Variants in KATNAL1 observed in about 807,000 individuals in gnomAD.
KATNAL1 encodes the protein katanin catalytic subunit A1 like 1.
In KATNAL1, 32 loss-of-function variants were observed where a neutral mutation model predicts 55.2. The ratio of observed to expected loss-of-function variants is 0.58; its 90% CI spans 0.44 to 0.78. KATNAL1 has a LOEUF of 0.78. Ranked by LOEUF, KATNAL1 falls within the 30% of genes least tolerant of loss-of-function variation. The pLI, the probability that KATNAL1 is intolerant of heterozygous loss-of-function variation, is 0.00. For missense variants in KATNAL1, 466 were observed against 600.9 expected (o/e 0.78, Z 2.35); for synonymous variants, 193 against 193.6 (o/e 1.00, Z 0.02).
chr13:30,229,993 C>CT (rs1183737743), intron 8 of KATNAL1, among the ~76,000 whole-genome samples: 3 of 134,208 alleles, frequency 2.2e-5, no homozygotes, highest in Non-Finnish European at 4.7e-5. Flanking sequence ...TCTTTAATGT[C>CT]TATCTAGAGA....
chr13:30,254,089 A>C (rs981475120), intron 4 of KATNAL1, among the ~76,000 whole-genome samples: 9 of 152,192 alleles, frequency 5.9e-5, no homozygotes, highest in Non-Finnish European at 8.8e-5. Flanking sequence ...TAAATTCAAG[A>C]CTGAAAGTTC....
At chr13:30,210,516 C>T in intron 9 of KATNAL1, 74 bp from the exon 10 acceptor site, 2 of 1,407,904 alleles carry the variant, frequency 1.4e-6, no homozygotes, top group Non-Finnish European at 1.9e-6. Context: ...GACATATTAA[C>T]ATTTGGGGGA....
intron 3 of KATNAL1, among the ~76,000 whole-genome samples, chr13:30,264,269 A>C (rs1466392729): frequency 6.8e-6 from 1 of 146,888 alleles, no homozygotes; most frequent in African/African-American, 2.5e-5. Context: ...AAACCATAAA[A>C]ACCCTAGAAG....
chr13:30,222,444 T>C (rs1412301780), intron 9 of KATNAL1, among the ~76,000 whole-genome samples: 2 of 152,126 alleles, frequency 1.3e-5, no homozygotes, highest in East Asian at 1.9e-4. Context: ...TAAACCTCTT[T>C]ATATATACAC....
At position 30,242,943 on chromosome 13, in the gene KATNAL1, A is replaced by G. The variant is rs2137429514; in HGVS notation, c.493-1857T>C. ...ATTCTTCATAAAAAATACTTAAATT[A>G]GAATACAGACATCAAATATAAACAG... On this transcript the variant is annotated intron_variant, in intron 4 of 10. Coordinates refer to ENST00000380615, the MANE Select transcript of KATNAL1 (RefSeq NM_032116.5). 2.0e-5 allele frequency among the ~76,000 whole-genome samples: 3 copies of G among 152,356 alleles called. No individual in the cohort carries two copies. The South Asian group carries it at 6.2e-4, about 32-fold the overall frequency.
chr13:30,214,139 C>T (rs1003135850), intron 9 of KATNAL1, among the ~76,000 whole-genome samples: 7 of 151,790 alleles, frequency 4.6e-5, no homozygotes, highest in Non-Finnish European at 8.8e-5. Context: ...AACAGACAAA[C>T]AGAGCCAAAT....
At chr13:30,278,996 C>A (rs1294529989) in intron 3 of KATNAL1, among the ~76,000 whole-genome samples, 1 of 152,084 alleles carries the variant, frequency 6.6e-6, no homozygotes, top group Non-Finnish European at 1.5e-5. Context: ...GGAAAAAATC[C>A]AAAGGAATAA....
intron 4 of KATNAL1, among the ~76,000 whole-genome samples, chr13:30,241,304 C>A (rs1024374728): frequency 1.3e-5 from 2 of 152,166 alleles, no homozygotes; most frequent in African/African-American, 4.8e-5. Context: ...TACATTCTTG[C>A]AGGAACAGTT....
rs142171688 is a variant in KATNAL1 at position 30,211,889 on chromosome 13, A to G, written c.1148-1447T>C. On this transcript the variant is annotated intron_variant, in intron 9 of 10. Coordinates refer to ENST00000380615, the MANE Select transcript of KATNAL1 (RefSeq NM_032116.5). ...AAATAGACAAATAGATCAATAGTAC[A>G]GAACGGGGTGCCCAGCAGCAGACCG... 8.4e-3 allele frequency among the ~76,000 whole-genome samples: 1,284 copies of G among 152,350 alleles called. 11 individuals carry two copies. The highest frequency in any genetic ancestry group is 0.013 in the Admixed American group (195 of 15,308).
At chr13:30,222,513 CACAGTTAAT>C (rs1342920168) in intron 9 of KATNAL1, among the ~76,000 whole-genome samples, 1 of 152,196 alleles carries the variant, frequency 6.6e-6, no homozygotes, top group African/African-American at 2.4e-5. Context: ...CGCAGGAAGT[CACAGTTAAT>C]ACATGGACCA....
At chr13:30,282,610 C>A (rs1270307584) in intron 2 of KATNAL1, among the ~76,000 whole-genome samples, 1 of 151,132 alleles carries the variant, frequency 6.6e-6, no homozygotes, top group Non-Finnish European at 1.5e-5. Context: ...TGCACTCTAG[C>A]CTGGGTGACA....
chr13:30,222,933 TAATATAA>T (rs1875026311), intron 9 of KATNAL1, among the ~76,000 whole-genome samples: 2 of 151,118 alleles, frequency 1.3e-5, no homozygotes, highest in African/African-American at 4.9e-5. Context: ...TCTCTACTAA[TAATATAA>T]AAAAATTAGC....
intron 1 of KATNAL1, among the ~76,000 whole-genome samples, chr13:30,284,895 G>GC (rs1032300219): frequency 3.3e-4 from 51 of 152,306 alleles, no homozygotes; most frequent in African/African-American, 1.2e-3. Context: ...AAAAAGAATA[G>GC]CAAGTCCAGA....
At chr13:30,227,382 A>G in intron 9 of KATNAL1, 30 bp downstream of exon 9, 1 of 1,589,816 alleles carries the variant, frequency 6.3e-7, no homozygotes, top group Non-Finnish European at 8.6e-7. Flanking sequence ...AAAAAGTAAC[A>G]GAAAGCTCAA....
chr13:30,209,851 G>A (rs1964165), intron 10 of KATNAL1, among the ~76,000 whole-genome samples: 44,156 of 151,632 alleles, frequency 0.29, 7,169 homozygotes, highest in East Asian at 0.43. Flanking sequence ...GCGCGATCTC[G>A]GCTCACTGCA....
At chr13:30,302,918 G>A (rs1882951971) in intron 1 of KATNAL1, among the ~76,000 whole-genome samples, 1 of 152,094 alleles carries the variant, frequency 6.6e-6, no homozygotes, top group Non-Finnish European at 1.5e-5. Flanking sequence ...ATAATACCCT[G>A]GGAAGTAAAT....
intron 6 of KATNAL1, among the ~76,000 whole-genome samples, chr13:30,238,228 A>G (rs1035374613): frequency 6.6e-6 from 1 of 152,144 alleles, no homozygotes; most frequent in African/African-American, 2.4e-5. Context: ...ACTAATTTAT[A>G]TTTTCAACAT....
At position 30,208,722 on chromosome 13, in the gene KATNAL1, C is replaced by T; in HGVS notation, c.1291G>A (p.Ala431Thr). Reference protein sequence around the residue: ...TNVCRDASLMAMRRRINGLSP... With the variant: ...TNVCRDASLMTMRRRINGLSP... ...AAGCCATTGATACGCCGTCTCATTG[C>T]CATTAAAGAGGCATCCCTAAAAATA... The change falls in exon 11 of 11, where the codon GCA becomes ACA. Residue 431 changes from alanine (A) to threonine (T), a missense_variant. Coordinates refer to ENST00000380615, the MANE Select transcript of KATNAL1 (RefSeq NM_032116.5). The T allele has an allele frequency of 6.2e-7, 1 of 1,608,984 alleles. No homozygotes were observed. Among genetic ancestry groups the T allele is most frequent in the Non-Finnish European group, 8.5e-7 (1 of 1,177,528 alleles).
chr13:30,240,332 T>C, intron 6 of KATNAL1, 128 bp downstream of exon 6: 1 of 619,048 alleles, frequency 1.6e-6, no homozygotes, highest in Non-Finnish European at 2.9e-6. Context: ...CCAGGTGTTT[T>C]GGGTGTACAT....
Sources: allele counts gnomAD v4.1 joint callset (sites outside exome capture counted in the v4.1 genomes callset), GRCh38; gene constraint gnomAD v4.1.1; transcripts MANE v1.5; gene names NCBI Gene and HGNC (gene_info 2026-07-23, HGNC 2026-07-21).